The following LEMD3 variants were observed in gnomAD, a reference collection of about 807,000 sequenced individuals.
LEMD3 encodes LEM domain containing 3, also known as inner nuclear membrane protein Man1.
Under a neutral mutation model 95.2 loss-of-function variants are expected in LEMD3, and 33 were observed. That is an observed-to-expected ratio of 0.35 (90% CI 0.26 to 0.46). The LOEUF (loss-of-function observed/expected upper bound fraction) is 0.46. Among genes scored for constraint, LEMD3 ranks in the 20% least tolerant of loss-of-function variants. The pLI, the probability that LEMD3 is intolerant of heterozygous loss-of-function variation, is 1.00. For missense variants in LEMD3, 1,210 were observed against 1,192.8 expected (o/e 1.01, Z -0.21); for synonymous variants, 525 against 474.6 (o/e 1.11, Z -1.38).
rs965197124 is a variant in LEMD3, at chr12:65,169,848, G to GGCGGCC, written c.257_262dup (p.Ala86_Ala87dup). The GGCGGCC allele has an allele frequency of 6.9e-7, 1 of 1,459,052 alleles. No individual in the cohort carries two copies. Among genetic ancestry groups the GGCGGCC allele is most frequent in the Non-Finnish European group, 9.1e-7 (1 of 1,102,178 alleles). The allele number at this position is 1,459,052 out of a possible 1,614,324, so 90.4% of individuals were successfully genotyped here. ...TCGCAGCCGCGGGACCAGCGGCGGC[G>GGCGGCC]GCGGCCGCGGGGATGGGGGTCCGGC... On this transcript the variant is annotated inframe_insertion, in exon 1 of 13. Transcript: ENST00000308330.
chr12:65,192,109 A>G (rs571859100), intron 1 of LEMD3, among the ~76,000 whole-genome samples: 29 of 151,638 alleles, frequency 1.9e-4, no homozygotes, highest in African/African-American at 6.3e-4. Flanking sequence ...GTTGCTTAAA[A>G]AAAAAAAAAA....
intron 6 of LEMD3, 75 bp from the exon 7 acceptor site, chr12:65,239,854 T>G (rs1426804794): frequency 6.0e-6 from 6 of 994,558 alleles, no homozygotes. Context: ...GTTGTGGCAG[T>G]TAAAATAATC....
intron 4 of LEMD3, among the ~76,000 whole-genome samples, chr12:65,236,547 T>C (rs1038266022): frequency 2.6e-4 from 20 of 77,348 alleles, no homozygotes; most frequent in African/African-American, 1.4e-3. Context: ...CAAGACTCTG[T>C]CTCAAAAAAA....
chr12:65,215,639 T>A (rs1044016241), intron 2 of LEMD3, among the ~76,000 whole-genome samples: 4 of 152,162 alleles, frequency 2.6e-5, no homozygotes, highest in Non-Finnish European at 5.9e-5. Flanking sequence ...CAGTCTCATA[T>A]GAACAGTTTA....
chr12:65,232,170 C>G (rs950739785), intron 4 of LEMD3, among the ~76,000 whole-genome samples: 6 of 152,072 alleles, frequency 3.9e-5, no homozygotes, highest in Non-Finnish European at 7.4e-5. Context: ...AGCCAAAATT[C>G]TCTATGTTAT....
intron 1 of LEMD3, among the ~76,000 whole-genome samples, chr12:65,185,091 G>T (rs565530055): frequency 6.6e-6 from 1 of 151,946 alleles, no homozygotes; most frequent in Admixed American, 6.6e-5. Flanking sequence ...CTGAGCAGCT[G>T]GTCTACAGGC....
chr12:65,230,457 T>A lies in LEMD3; in HGVS notation c.1696-8045T>A, dbSNP rs189006573. 9.4e-3 allele frequency among the ~76,000 whole-genome samples: 1,424 copies of A among 152,242 alleles called. 23 individuals are homozygous for A. Among genetic ancestry groups the A allele is most frequent in the African/African-American group, 0.032 (1,332 of 41,548 alleles). The stretch of plus-strand genomic sequence containing the variant: ...TTTATGGTGTTTTATGGTTTTTTTT[T>A]AGATATCTTTTACCTTCTTGGTTAA... On this transcript the variant is annotated intron_variant, in intron 4 of 12. Transcript: ENST00000308330.
intron 4 of LEMD3, among the ~76,000 whole-genome samples, chr12:65,226,515 T>C (rs931543541): frequency 1.3e-5 from 2 of 152,196 alleles, no homozygotes; most frequent in African/African-American, 2.4e-5. Flanking sequence ...AAATTAAGAA[T>C]GTAGTATATG....
At chr12:65,192,425 A>G (rs1869273338) in intron 1 of LEMD3, among the ~76,000 whole-genome samples, 1 of 152,128 alleles carries the variant, frequency 6.6e-6, no homozygotes, top group Non-Finnish European at 1.5e-5. Flanking sequence ...GTGTGGGTAT[A>G]GGTTTTGCCC....
chr12:65,188,433 TG>T (rs531038153), intron 1 of LEMD3, among the ~76,000 whole-genome samples: 33 of 152,270 alleles, frequency 2.2e-4, no homozygotes, highest in African/African-American at 7.5e-4. Context: ...AAAGCAGTGA[TG>T]GGCAGTGAGC....
intron 1 of LEMD3, among the ~76,000 whole-genome samples, chr12:65,184,844 G>A (rs1166167684): frequency 2.0e-5 from 3 of 152,080 alleles, no homozygotes; most frequent in Non-Finnish European, 4.4e-5. Flanking sequence ...ACGTTGTTGG[G>A]TAAAAACCTT....
At chr12:65,217,858 C>G (rs1386844655) in intron 3 of LEMD3, among the ~76,000 whole-genome samples, 3 of 152,106 alleles carry the variant, frequency 2.0e-5, no homozygotes, top group African/African-American at 7.2e-5. Context: ...TTTTCTGTCA[C>G]TCAGGCTGGA....
intron 4 of LEMD3, among the ~76,000 whole-genome samples, chr12:65,232,871 T>G (rs1040015189): frequency 9.2e-5 from 14 of 152,144 alleles, no homozygotes; most frequent in African/African-American, 3.4e-4. Flanking sequence ...ATGAATATGT[T>G]TAAGATTTGT....
chr12:65,194,171 A>G (rs1869336028), intron 1 of LEMD3, among the ~76,000 whole-genome samples: 1 of 152,184 alleles, frequency 6.6e-6, no homozygotes, highest in African/African-American at 2.4e-5. Flanking sequence ...GTGGAAACCA[A>G]AATCTGAAGA....
intron 4 of LEMD3, among the ~76,000 whole-genome samples, chr12:65,230,365 T>A (rs1469745013): frequency 6.6e-6 from 1 of 152,210 alleles, no homozygotes; most frequent in Non-Finnish European, 1.5e-5. Flanking sequence ...TTGCATTGAA[T>A]CTATACATAG....
rs550236059 is a variant in LEMD3 at position 65,185,683 on chromosome 12, A to C, written c.1522+14565A>C. 7.3e-5 allele frequency among the ~76,000 whole-genome samples: 11 copies of C among 150,442 alleles called. No homozygotes were observed. The South Asian group carries it at 2.3e-3, about 31-fold the overall frequency. ...CAAGGAAATTATATATAAATTTTAT[A>C]TATAATATATATAGCATTTATTTTC... On this transcript the variant is annotated intron_variant, in intron 1 of 12. Coordinates refer to ENST00000308330, the MANE Select transcript of LEMD3 (RefSeq NM_014319.5).
chr12:65,184,959 A>G (rs1869015167), intron 1 of LEMD3, among the ~76,000 whole-genome samples: 2 of 151,680 alleles, frequency 1.3e-5, no homozygotes, highest in African/African-American at 4.8e-5. Context: ...AACTCCCCCT[A>G]TTCCCTCAAT....
At position 65,169,968 on chromosome 12, in the gene LEMD3, C is replaced by T. The variant is rs1269509936; in HGVS notation, c.372C>T (p.Gly124=). 1 of 1,462,054 alleles carries T rather than the reference C, an allele frequency of 6.8e-7. No homozygotes were observed. Among genetic ancestry groups the T allele is most frequent in the Admixed American group, 2.9e-5 (1 of 34,852 alleles). The allele number at this position is 1,462,054 out of a possible 1,614,324, so 90.6% of individuals were successfully genotyped here. The change falls in exon 1 of 13, where the codon GGC becomes GGT. Residue 124 remains glycine (G), a synonymous_variant. Transcript: ENST00000308330. ...GPESLLGGPG[G]ASAAPAAGSK... is the part of the protein sequence containing the mutation. The stretch of plus-strand genomic sequence containing the variant: ...AGAGCCTCCTGGGAGGGCCCGGGGG[C>T]GCCTCCGCCGCCCCCGCGGCTGGCA...
chr12:65,238,880 GC>G, intron 6 of LEMD3, 66 bp downstream of exon 6: 1 of 1,511,654 alleles, frequency 6.6e-7, no homozygotes, highest in Non-Finnish European at 9.2e-7. Flanking sequence ...TTCACTAAAT[GC>G]CAGAGTTGAG....
Sources: allele counts gnomAD v4.1 joint callset (sites outside exome capture counted in the v4.1 genomes callset), GRCh38; gene constraint gnomAD v4.1.1; transcripts MANE v1.5; gene names NCBI Gene and HGNC (gene_info 2026-07-23, HGNC 2026-07-21).